The following PCBP3 variants were observed in gnomAD, a reference collection of about 807,000 sequenced individuals.
The protein encoded by PCBP3 is poly(rC) binding protein 3, also known as poly(rC)-binding protein 3.
Under a neutral mutation model 52.7 loss-of-function variants are expected in PCBP3, and 25 were observed. That is an observed-to-expected ratio of 0.47 (90% CI 0.35 to 0.66). The LOEUF (loss-of-function observed/expected upper bound fraction) is 0.66, where lower values mean the gene tolerates loss of function less well. Ranked by LOEUF, PCBP3 falls within the 30% of genes least tolerant of loss-of-function variation. The pLI is 0.01. For missense variants in PCBP3, 391 were observed against 490.3 expected (o/e 0.80, Z 1.91); for synonymous variants, 162 against 183.0 (o/e 0.89, Z 0.93).
At chr21:45,935,214 C>T in intron 15 of PCBP3, 39 bp from the exon 16 acceptor site, 1 of 1,500,794 alleles carries the variant, frequency 6.7e-7, no homozygotes. Flanking sequence ...CTGTTAGCAG[C>T]CTTCCACCAG....
intron 4 of PCBP3, among the ~76,000 whole-genome samples, chr21:45,814,077 A>G (rs960140378): frequency 6.6e-6 from 1 of 152,260 alleles, no homozygotes; most frequent in Admixed American, 6.5e-5. Flanking sequence ...GTCTTAGGCT[A>G]CAAAGCTGTG....
intron 5 of PCBP3, among the ~76,000 whole-genome samples, chr21:45,881,630 C>G (rs1051502693): frequency 6.6e-6 from 1 of 152,116 alleles, no homozygotes; most frequent in South Asian, 2.1e-4. Flanking sequence ...TTGTTCTTAC[C>G]CATAGTCACT....
chr21:45,763,573 T>G (rs1454453689), intron 4 of PCBP3: 1 of 152,258 alleles, frequency 6.6e-6, no homozygotes, highest in Non-Finnish European at 1.5e-5. Context: ...TGAACGCCTG[T>G]AGGATAAGAA....
intron 11 of PCBP3, 36 bp downstream of exon 11, chr21:45,911,066 G>A (rs760864568): frequency 3.1e-6 from 5 of 1,602,108 alleles, no homozygotes; most frequent in Non-Finnish European, 4.2e-6. Context: ...CCACGTCAGT[G>A]CTGGATTTGG....
intron 13 of PCBP3, among the ~76,000 whole-genome samples, chr21:45,920,064 C>T (rs1196818387): frequency 1.3e-5 from 2 of 151,980 alleles, no homozygotes. Flanking sequence ...GGTCACTTGA[C>T]TTTGCAAAGC....
At chr21:45,663,732 A>G (rs1457636368) in intron 1 of PCBP3, among the ~76,000 whole-genome samples, 3 of 151,992 alleles carry the variant, frequency 2.0e-5, no homozygotes, top group Non-Finnish European at 2.9e-5. Context: ...CCATTGATCT[A>G]TGTGTCTCTT....
chr21:45,851,451 G>T (rs562429413), intron 5 of PCBP3, among the ~76,000 whole-genome samples: 2 of 152,318 alleles, frequency 1.3e-5, no homozygotes, highest in Admixed American at 6.5e-5. Context: ...GGAGAAGGTT[G>T]TAGTGAGCCA....
chr21:45,877,508 T>G (rs891618128), intron 5 of PCBP3, among the ~76,000 whole-genome samples: 2 of 152,302 alleles, frequency 1.3e-5, no homozygotes, highest in Non-Finnish European at 2.9e-5. Flanking sequence ...ATTTAATCAA[T>G]ATAAAGATGA....
At chr21:45,927,593 T>C (rs1237793858) in intron 13 of PCBP3, among the ~76,000 whole-genome samples, 2 of 151,630 alleles carry the variant, frequency 1.3e-5, no homozygotes, top group Admixed American at 1.3e-4. Flanking sequence ...TCTCCACAGA[T>C]GCTCCCCCAG....
chr21:45,687,559 T>C (rs2082225596), intron 2 of PCBP3, among the ~76,000 whole-genome samples: 1 of 152,006 alleles, frequency 6.6e-6, no homozygotes, highest in Non-Finnish European at 1.5e-5. Context: ...ATCAAAATTA[T>C]AGTAAAAGTA....
In PCBP3 at chr21:45,805,537, C is replaced by A. The variant is rs1435032631; in HGVS notation, c.-125-44424C>A. Among the ~76,000 whole-genome samples the A allele has an allele frequency of 6.6e-6, 1 of 152,168 alleles. No individual in the cohort carries two copies. The highest frequency in any genetic ancestry group is 2.4e-5 in the African/African-American group (1 of 41,458). On this transcript the variant is annotated intron_variant, in intron 4 of 17. Transcript: ENST00000681687. This position sits in a 1 kb window ranked among gnomAD's most constrained non-coding sequence, Gnocchi z 4.6. ...TTGGTGCCAACGAGGTGCTCAGAGG[C>A]CTTGTGGGCAGTGTGGCAGAACGGC...
intron 2 of PCBP3, among the ~76,000 whole-genome samples, chr21:45,684,485 TG>T (rs895717355): frequency 6.6e-5 from 10 of 152,242 alleles, no homozygotes; most frequent in African/African-American, 2.4e-4. Flanking sequence ...GTTTGGATCA[TG>T]GGGGAAGATC....
intron 4 of PCBP3, among the ~76,000 whole-genome samples, chr21:45,776,257 G>A (rs2090245406): frequency 6.6e-6 from 1 of 152,176 alleles, no homozygotes; most frequent in Non-Finnish European, 1.5e-5. Context: ...TTCATGTGCT[G>A]ATGAAAATGA....
chr21:45,733,976 T>G (rs1475672534), intron 2 of PCBP3, among the ~76,000 whole-genome samples: 2 of 152,252 alleles, frequency 1.3e-5, no homozygotes, highest in African/African-American at 2.4e-5. Context: ...TTTTTGTGCT[T>G]CTTTGCATGC....
At chr21:45,715,459 T>C (rs564693847) in intron 2 of PCBP3, among the ~76,000 whole-genome samples, 29 of 152,352 alleles carry the variant, frequency 1.9e-4, no homozygotes, top group African/African-American at 6.5e-4. Context: ...GTATTATCAC[T>C]AATTTCAGAA....
intron 5 of PCBP3, among the ~76,000 whole-genome samples, chr21:45,877,320 A>T (rs1215409821): frequency 6.6e-6 from 1 of 152,188 alleles, no homozygotes; most frequent in Non-Finnish European, 1.5e-5. Context: ...CTGGATTTAT[A>T]TATGGAAAAA....
chr21:45,764,314 G>A (rs1266238663), intron 4 of PCBP3, among the ~76,000 whole-genome samples: 1 of 152,054 alleles, frequency 6.6e-6, no homozygotes, highest in Non-Finnish European at 1.5e-5. Flanking sequence ...TAGAAATGGG[G>A]TTTCTCCATG....
intron 3 of PCBP3, among the ~76,000 whole-genome samples, chr21:45,744,650 CATTATA>C (rs745634811): frequency 5.3e-5 from 8 of 152,240 alleles, no homozygotes; most frequent in Admixed American, 1.3e-4. Flanking sequence ...TTTTAGCATA[CATTATA>C]ATTATAATTC....
chr21:45,866,509 T>C (rs1026555693), intron 5 of PCBP3, among the ~76,000 whole-genome samples: 1 of 152,042 alleles, frequency 6.6e-6, no homozygotes, highest in Non-Finnish European at 1.5e-5. Context: ...AGACAGAGGC[T>C]GGGTGGGAGG....
Sources: allele counts gnomAD v4.1 joint callset (sites outside exome capture counted in the v4.1 genomes callset), GRCh38; gene constraint gnomAD v4.1.1; non-coding constraint Gnocchi (gnomAD v3.1); transcripts MANE v1.5; gene names NCBI Gene and HGNC (gene_info 2026-07-23, HGNC 2026-07-21).